GRIN3A: variants seen among roughly 807,000 people sequenced by gnomAD.
The protein encoded by GRIN3A is glutamate ionotropic receptor NMDA type subunit 3A.
GRIN3A carries 47 observed loss-of-function variants against 92.4 expected under a neutral mutation model. That is an observed-to-expected ratio of 0.51 (90% CI 0.40 to 0.65). The LOEUF (loss-of-function observed/expected upper bound fraction) is 0.65. Among genes scored for constraint, GRIN3A ranks in the 30% least tolerant of loss-of-function variants. The pLI is 0.00. For synonymous variants in GRIN3A, 527 were observed against 540.6 expected, an observed-to-expected ratio of 0.97 and a Z score of 0.35; for missense variants, 1,324 against 1,393.1, an observed-to-expected ratio of 0.95 and a Z score of 0.79.
intron 6 of GRIN3A, among the ~76,000 whole-genome samples, chr9:101,587,916 T>TTTTATTTATTTA (rs537190845): frequency 2.6e-5 from 4 of 152,028 alleles, no homozygotes; most frequent in Admixed American, 1.3e-4. Context: ...CTGGTATCTA[T>TTTTATTTATTTA]TTTATTTATT....
chr9:101,667,487 G>A (rs767129498), intron 3 of GRIN3A, among the ~76,000 whole-genome samples: 14 of 151,904 alleles, frequency 9.2e-5, no homozygotes, highest in Admixed American at 5.3e-4. Flanking sequence ...AAACTTTGGC[G>A]TATTTGTAAC....
chr9:101,648,944 G>A (rs1277287037), intron 3 of GRIN3A, among the ~76,000 whole-genome samples: 2 of 151,880 alleles, frequency 1.3e-5, no homozygotes, highest in African/African-American at 4.8e-5. Flanking sequence ...GTGAGCACTG[G>A]AACTAAAACA....
At chr9:101,673,957 T>C (rs576091904) in intron 2 of GRIN3A, among the ~76,000 whole-genome samples, 15 of 152,132 alleles carry the variant, frequency 9.9e-5, no homozygotes, top group African/African-American at 3.4e-4. Context: ...ACCTGCACAT[T>C]CTACTATAGG....
At chr9:101,596,875 G>A (rs1287287789) in intron 6 of GRIN3A, among the ~76,000 whole-genome samples, 1 of 152,216 alleles carries the variant, frequency 6.6e-6, no homozygotes, top group Non-Finnish European at 1.5e-5. Context: ...CAACGCCTCA[G>A]GACCAGTTAT....
intron 2 of GRIN3A, among the ~76,000 whole-genome samples, chr9:101,676,869 T>A (rs577341666): frequency 2.5e-4 from 38 of 151,972 alleles, no homozygotes; most frequent in African/African-American, 9.2e-4. Flanking sequence ...TTTCCTTTTT[T>A]TTTTTCTGTG....
chr9:101,667,101 C>G (rs1243078879), intron 3 of GRIN3A, among the ~76,000 whole-genome samples: 2 of 152,116 alleles, frequency 1.3e-5, no homozygotes, highest in Admixed American at 6.6e-5. Flanking sequence ...TCTCCTTCCA[C>G]TCCTGTAACC....
At chr9:101,638,932 C>T (rs1828818121) in intron 3 of GRIN3A, among the ~76,000 whole-genome samples, 1 of 152,170 alleles carries the variant, frequency 6.6e-6, no homozygotes, top group African/African-American at 2.4e-5. Flanking sequence ...TTTAACTAGC[C>T]CATAACAATC....
chr9:101,603,773 C>A (rs10115762), intron 6 of GRIN3A, among the ~76,000 whole-genome samples: 1 of 152,150 alleles, frequency 6.6e-6, no homozygotes, highest in African/African-American at 2.4e-5. Context: ...TCTGTCAATC[C>A]AGTATGATTG....
In GRIN3A at chr9:101,695,202, T is replaced by C. The variant is rs1399926440; in HGVS notation, c.700-8002A>G. Among the ~76,000 whole-genome samples, 6 of 152,190 alleles carry C rather than the reference T, an allele frequency of 3.9e-5. No homozygotes were observed. The South Asian group carries it at 8.3e-4, about 21-fold the overall frequency. On this transcript the variant is annotated intron_variant, in intron 1 of 8. Coordinates refer to ENST00000361820, the MANE Select transcript of GRIN3A (RefSeq NM_133445.3). ...AGGAAGTTTACACTAAGAGACCTGATGTGCAAGAGCTAGAGTGGTGGTGCA... is the reference window on the plus strand; with the variant it reads ...AGGAAGTTTACACTAAGAGACCTGACGTGCAAGAGCTAGAGTGGTGGTGCA...
intron 3 of GRIN3A, among the ~76,000 whole-genome samples, chr9:101,656,078 G>C (rs546340945): frequency 2.6e-5 from 4 of 152,056 alleles, no homozygotes; most frequent in South Asian, 2.1e-4. Context: ...GGTTAATAAT[G>C]GTTCAACAAA....
At chr9:101,696,230 G>A (rs949278607) in intron 1 of GRIN3A, among the ~76,000 whole-genome samples, 7 of 152,170 alleles carry the variant, frequency 4.6e-5, no homozygotes, top group African/African-American at 1.7e-4. Context: ...AGAGATGTGG[G>A]GACCACATGA....
chr9:101,731,246 CAAATAGACG>C (rs1830137118), intron 1 of GRIN3A, among the ~76,000 whole-genome samples: 1 of 152,128 alleles, frequency 6.6e-6, no homozygotes, highest in African/African-American at 2.4e-5. Context: ...TGAAGGCTGA[CAAATAGACG>C]AAGTTAAGAA....
intron 5 of GRIN3A, among the ~76,000 whole-genome samples, chr9:101,622,224 G>A (rs997300237): frequency 3.9e-5 from 6 of 152,222 alleles, no homozygotes; most frequent in Admixed American, 3.9e-4. Flanking sequence ...AGGAGACAGA[G>A]ACTAACTGTG....
At chr9:101,690,613 T>C (rs975693068) in intron 1 of GRIN3A, among the ~76,000 whole-genome samples, 13 of 152,338 alleles carry the variant, frequency 8.5e-5, no homozygotes, top group Admixed American at 8.5e-4. Flanking sequence ...TGGATCAGAC[T>C]GTAAATATTA....
intron 1 of GRIN3A, among the ~76,000 whole-genome samples, chr9:101,701,442 C>G (rs1243455936): frequency 1.3e-5 from 2 of 151,970 alleles, no homozygotes; most frequent in Non-Finnish European, 2.9e-5. Context: ...CATTTAGCTC[C>G]CACTTGTAAG....
chr9:101,656,621 C>T (rs1457514900), intron 3 of GRIN3A, among the ~76,000 whole-genome samples: 2 of 151,812 alleles, frequency 1.3e-5, no homozygotes, highest in Admixed American at 6.6e-5. Context: ...TTTAGTAGGT[C>T]TAGGGCAGAG....
chr9:101,721,897 C>T (rs573628417), intron 1 of GRIN3A, among the ~76,000 whole-genome samples: 1 of 152,292 alleles, frequency 6.6e-6, no homozygotes, highest in East Asian at 1.9e-4. Context: ...AAATTTGCTG[C>T]CTGATGATGC....
In GRIN3A at chr9:101,598,690, C is replaced by A. The variant is rs112738904; in HGVS notation, c.2766+14686G>T. On this transcript the variant is annotated intron_variant, in intron 6 of 8. Transcript: ENST00000361820. ...CTTACCCTACTAGTAGAGATGAAGT[C>A]TTAAAGGATACCAGCCTGCCCTGGA... Among the ~76,000 whole-genome samples the A allele has an allele frequency of 4.0e-4, 61 of 152,206 alleles. 1 individual carries two copies. The highest frequency in any genetic ancestry group is 1.3e-3 in the African/African-American group (56 of 41,518).
intron 3 of GRIN3A, among the ~76,000 whole-genome samples, chr9:101,632,057 G>C (rs887359692): frequency 6.6e-6 from 1 of 152,100 alleles, no homozygotes; most frequent in Non-Finnish European, 1.5e-5. Context: ...TCCTAGCCTT[G>C]TCGTCCTGCT....
Sources: gnomAD v4.1 joint callset for allele counts (sites outside exome capture counted in the v4.1 genomes callset) on GRCh38, gnomAD v4.1.1 for gene constraint, MANE v1.5 for transcripts, NCBI Gene and HGNC (gene_info 2026-07-23, HGNC 2026-07-21) for gene names.